Variants in MSRB3 observed in about 807,000 individuals in gnomAD.
The protein encoded by MSRB3 is methionine sulfoxide reductase B3.
MSRB3 carries 13 observed loss-of-function variants against 21.0 expected under a neutral mutation model. The ratio of observed to expected loss-of-function variants is 0.62; its 90% confidence interval spans 0.40 to 0.98. MSRB3 has a LOEUF of 0.98. MSRB3 is among the 50% of genes least tolerant of loss of function. The probability of loss-of-function intolerance (pLI) is 0.00; values close to 1 mark genes in which losing one functional copy is unlikely to be tolerated. For missense variants in MSRB3, 199 were observed against 230.3 expected, an observed-to-expected ratio of 0.86 and a Z score of 0.88; for synonymous variants, 87 against 88.6, an observed-to-expected ratio of 0.98 and a Z score of 0.10.
At chr12:65,445,316 C>T (rs114134886) in intron 5 of MSRB3, among the ~76,000 whole-genome samples, 10 of 151,624 alleles carry the variant, frequency 6.6e-5, no homozygotes, top group South Asian at 4.2e-4. Flanking sequence ...CCTCTTATCC[C>T]GAATCCCTCC....
In MSRB3 at chr12:65,278,820, T is replaced by A; in HGVS notation, c.-97T>A. The A allele has an allele frequency of 6.4e-7, 1 of 1,565,614 alleles. No homozygotes were observed. Among genetic ancestry groups the A allele is most frequent in the Non-Finnish European group, 8.7e-7 (1 of 1,155,390 alleles). On this transcript the variant is annotated 5_prime_UTR_variant, in exon 1 of 7. Transcript: ENST00000308259. ...CCCCCTCTCGCTCTGCCTCTCCCTC[T>A]GCCTCTGCCTCTGCCTGGCCGCGGC...
intron 5 of MSRB3, among the ~76,000 whole-genome samples, chr12:65,378,730 G>T (rs1164481254): frequency 6.6e-6 from 1 of 152,116 alleles, no homozygotes; most frequent in Non-Finnish European, 1.5e-5. Flanking sequence ...CTCAGGGATG[G>T]GCTCACATGG....
intron 3 of MSRB3, among the ~76,000 whole-genome samples, chr12:65,327,342 A>G (rs1317025897): frequency 6.6e-6 from 1 of 152,250 alleles, no homozygotes; most frequent in East Asian, 1.9e-4. Context: ...TGCAAAAAGA[A>G]GGTAGCATAA....
rs1883495224 is a variant in MSRB3, at chr12:65,464,846, T to C, written c.*1524T>C. ...TCACATGGAAAGCTAAAACGGAAGC[T>C]CAAGTTTCATACTCAACATAATCTT... On this transcript the variant is annotated 3_prime_UTR_variant, in exon 7 of 7. Coordinates refer to ENST00000308259, the MANE Select transcript of MSRB3 (RefSeq NM_001031679.3). 6.6e-6 allele frequency: 1 copy of C among 152,160 alleles called. No individual in the cohort carries two copies. Among genetic ancestry groups the C allele is most frequent in the African/African-American group, 2.4e-5 (1 of 41,420 alleles). 9.4% of individuals were successfully genotyped at this position (152,160 alleles called of 1,614,324 possible).
intron 1 of MSRB3, among the ~76,000 whole-genome samples, chr12:65,300,659 C>T (rs574452263): frequency 6.6e-6 from 1 of 152,184 alleles, no homozygotes; most frequent in East Asian, 1.9e-4. Context: ...AACAAATAGC[C>T]CCCAAATCCC....
intron 5 of MSRB3, among the ~76,000 whole-genome samples, chr12:65,429,072 C>T (rs1025660767): frequency 6.6e-6 from 1 of 152,084 alleles, no homozygotes; most frequent in African/African-American, 2.4e-5. Context: ...TCCATTAAGT[C>T]AATATCTACT....
chr12:65,380,841 C>T (rs1282669702), intron 5 of MSRB3, among the ~76,000 whole-genome samples: 4 of 151,958 alleles, frequency 2.6e-5, no homozygotes, highest in African/African-American at 7.3e-5. Flanking sequence ...CTAAGTAGTC[C>T]GATTCGAGAG....
At chr12:65,383,814 C>T (rs925367911) in intron 5 of MSRB3, among the ~76,000 whole-genome samples, 1 of 152,096 alleles carries the variant, frequency 6.6e-6, no homozygotes, top group Non-Finnish European at 1.5e-5. Flanking sequence ...CATGTGCCCC[C>T]ACACCCGACT....
At chr12:65,404,981 A>G (rs1327685536) in intron 5 of MSRB3, among the ~76,000 whole-genome samples, 1 of 150,484 alleles carries the variant, frequency 6.6e-6, no homozygotes, top group East Asian at 1.9e-4. Context: ...TTTTAGACAG[A>G]GTCTCAGTCT....
At chr12:65,421,500 G>T (rs1565884483) in intron 5 of MSRB3, among the ~76,000 whole-genome samples, 1 of 152,090 alleles carries the variant, frequency 6.6e-6, no homozygotes, top group Non-Finnish European at 1.5e-5. Flanking sequence ...TGCTTTTGTT[G>T]TGATTGCATT....
At chr12:65,410,184 G>A (rs1316611545) in intron 5 of MSRB3, among the ~76,000 whole-genome samples, 1 of 151,902 alleles carries the variant, frequency 6.6e-6, no homozygotes, top group Non-Finnish European at 1.5e-5. Context: ...TTCTATTGGG[G>A]TATTTATGTA....
At chr12:65,320,145 G>T (rs1399006882) in intron 2 of MSRB3, among the ~76,000 whole-genome samples, 1 of 152,098 alleles carries the variant, frequency 6.6e-6, no homozygotes, top group Non-Finnish European at 1.5e-5. Context: ...TGTCTTATGT[G>T]AAGTAAAACA....
At chr12:65,375,762 GT>G (rs1435237584) in intron 5 of MSRB3, among the ~76,000 whole-genome samples, 17 of 151,496 alleles carry the variant, frequency 1.1e-4, no homozygotes, top group African/African-American at 4.1e-4. Context: ...AATAAATGCA[GT>G]TTTGATTTTC....
chr12:65,294,807 T>A (rs1872861054), intron 1 of MSRB3, among the ~76,000 whole-genome samples: 1 of 152,142 alleles, frequency 6.6e-6, no homozygotes, highest in South Asian at 2.1e-4. Context: ...TCTTTTGCCA[T>A]GTGGTTTCTG....
intron 4 of MSRB3, 80 bp downstream of exon 4, chr12:65,328,683 T>G (rs759635843): frequency 4.3e-4 from 400 of 938,314 alleles, no homozygotes; most frequent in Non-Finnish European, 6.8e-5. Flanking sequence ...TCTTAGAATC[T>G]TTCCATTGCT....
chr12:65,444,811 G>T (rs1255879124), intron 5 of MSRB3, among the ~76,000 whole-genome samples: 2 of 152,072 alleles, frequency 1.3e-5, no homozygotes, highest in Non-Finnish European at 2.9e-5. Context: ...TTCAGACTCT[G>T]TCCTGATTCC....
At position 65,422,424 on chromosome 12, in the gene MSRB3, A is replaced by ATT. The variant is rs1278669544; in HGVS notation, c.293-31303_293-31302insTT. 6.4e-3 allele frequency among the ~76,000 whole-genome samples: 480 copies of ATT among 75,408 alleles called. 2 individuals are homozygous for ATT. Among genetic ancestry groups the ATT allele is most frequent in the Non-Finnish European group, 9.7e-3 (358 of 36,914 alleles). The allele number at this position is 75,408 out of a possible 152,430, so 49.5% of individuals were successfully genotyped here. On this transcript the variant is annotated intron_variant, in intron 5 of 6. Transcript: ENST00000308259. ...TATATATATATATATATATATATAT[A>ATT]TATATATTTATTTATTTATTTATGG... is the stretch of plus-strand genomic sequence containing the variant.
At chr12:65,404,690 T>G (rs1028739722) in intron 5 of MSRB3, among the ~76,000 whole-genome samples, 10 of 152,198 alleles carry the variant, frequency 6.6e-5, no homozygotes, top group Admixed American at 6.5e-4. Context: ...CATGATGTTT[T>G]GAAATATGTA....
chr12:65,354,695 A>T (rs985264794), intron 4 of MSRB3, among the ~76,000 whole-genome samples: 10 of 151,830 alleles, frequency 6.6e-5, no homozygotes, highest in African/African-American at 2.4e-4. Context: ...GGTTTCATGG[A>T]AGGAATGAAT....
Sources: gnomAD v4.1 joint callset for allele counts (sites outside exome capture counted in the v4.1 genomes callset) on GRCh38, gnomAD v4.1.1 for gene constraint, MANE v1.5 for transcripts, NCBI Gene and HGNC (gene_info 2026-07-23, HGNC 2026-07-21) for gene names.